The following CELF2 variants were observed in gnomAD, a reference collection of about 807,000 sequenced individuals.
CELF2 encodes CUG triplet repeat RNA-binding protein 2.
Under a neutral mutation model 62.6 loss-of-function variants are expected in CELF2, and 8 were observed. That is an observed-to-expected ratio of 0.13 (90% CI 0.07 to 0.23). The LOEUF is 0.23. Ranked by LOEUF, CELF2 falls within the 10% of genes least tolerant of loss-of-function variation. The pLI, the probability that CELF2 is intolerant of heterozygous loss-of-function variation, is 1.00. For missense variants in CELF2, 333 were observed against 671.0 expected (o/e 0.50, Z 5.56); for synonymous variants, 258 against 250.0 (o/e 1.03, Z -0.30).
chr10:11,038,261 C>T (rs1158688588), intron 1 of CELF2, among the ~76,000 whole-genome samples: 3 of 152,020 alleles, frequency 2.0e-5, no homozygotes, highest in African/African-American at 4.8e-5. Flanking sequence ...CCTTTTTTTC[C>T]ATCTGTAGCC....
chr10:10,945,942 C>T (rs944600921), intron 2 of CELF2: 2 of 152,632 alleles, frequency 1.3e-5, no homozygotes, highest in South Asian at 2.1e-4. Flanking sequence ...AAAACCATAG[C>T]GACCAAAAGA....
chr10:10,514,638 G>C, the CELF2 span, among the ~76,000 whole-genome samples: 3 of 152,278 alleles, frequency 2.0e-5, no homozygotes, highest in African/African-American at 7.2e-5. Context: ...TTCAGACGTG[G>C]CAAGAAGAAC....
the CELF2 span, among the ~76,000 whole-genome samples, chr10:10,625,095 C>T: frequency 6.6e-6 from 1 of 152,154 alleles, no homozygotes; most frequent in Non-Finnish European, 1.5e-5. Flanking sequence ...ACTTCTTTTT[C>T]CCTTAAAGTT....
At chr10:11,225,110 G>A (rs1390931078) in intron 3 of CELF2, among the ~76,000 whole-genome samples, 1 of 151,524 alleles carries the variant, frequency 6.6e-6, no homozygotes, top group Non-Finnish European at 1.5e-5. Flanking sequence ...TGTTGAAGTT[G>A]GTTTGATAAT....
intron 1 of CELF2, among the ~76,000 whole-genome samples, chr10:11,144,092 T>A (rs528649990): frequency 6.6e-6 from 1 of 152,280 alleles, no homozygotes; most frequent in East Asian, 1.9e-4. Context: ...TTGGTTAATA[T>A]GGACATTATC....
At chr10:11,058,556 T>C (rs2065926497) in intron 1 of CELF2, among the ~76,000 whole-genome samples, 1 of 138,592 alleles carries the variant, frequency 7.2e-6, no homozygotes, top group Admixed American at 7.9e-5. Context: ...AACCTCCACC[T>C]CCCAGGTTCA....
At chr10:10,515,556 G>T in the CELF2 span, among the ~76,000 whole-genome samples, 1 of 152,160 alleles carries the variant, frequency 6.6e-6, no homozygotes, top group Admixed American at 6.5e-5. Flanking sequence ...GAACTCAAAA[G>T]AATCCTTTTT....
At chr10:11,053,294 A>G (rs2064327176) in intron 1 of CELF2, among the ~76,000 whole-genome samples, 1 of 152,168 alleles carries the variant, frequency 6.6e-6, no homozygotes, top group South Asian at 2.1e-4. Flanking sequence ...TCAATAGACC[A>G]TATCTTCAGT....
At chr10:10,745,940 T>C in the CELF2 span, among the ~76,000 whole-genome samples, 5 of 152,248 alleles carry the variant, frequency 3.3e-5, no homozygotes, top group South Asian at 2.1e-4. Context: ...TGCCTGTCAT[T>C]TGGTTTTGAT....
chr10:10,963,061 G>C (rs940544971), intron 2 of CELF2, among the ~76,000 whole-genome samples: 5 of 142,594 alleles, frequency 3.5e-5, no homozygotes, highest in African/African-American at 1.0e-4. Flanking sequence ...TTTGTTTTGT[G>C]ATGCAGTCTT....
At chr10:10,681,851 A>T in the CELF2 span, among the ~76,000 whole-genome samples, 5 of 152,342 alleles carry the variant, frequency 3.3e-5, no homozygotes, top group African/African-American at 1.2e-4. Context: ...ACTCATATAA[A>T]ACCCATTTTG....
chr10:10,582,049 C>T, the CELF2 span, among the ~76,000 whole-genome samples: 2 of 152,040 alleles, frequency 1.3e-5, no homozygotes, highest in African/African-American at 4.8e-5. Context: ...TGGGGGGTCA[C>T]ATATCCACAT....
chr10:11,015,157 C>T (rs1250124425), upstream of CELF2, among the ~76,000 whole-genome samples: 7 of 152,038 alleles, frequency 4.6e-5, no homozygotes, highest in Non-Finnish European at 1.0e-4. This position sits in a 1 kb window ranked among gnomAD's most constrained non-coding sequence, Gnocchi z 4.8. Context: ...CCTGATGGCT[C>T]GTTACTGCAT....
the CELF2 span, among the ~76,000 whole-genome samples, chr10:10,701,524 C>T: frequency 5.3e-5 from 8 of 152,340 alleles, no homozygotes; most frequent in South Asian, 4.1e-4. Context: ...AATTAGTATG[C>T]GTCCTTTCAA....
Position 11,157,254 on chromosome 10 carries a change from G to A in CELF2, c.75-8232G>A, listed in dbSNP as rs577513341. Among the ~76,000 whole-genome samples the A allele has an allele frequency of 2.1e-4, 32 of 152,244 alleles. No homozygotes were observed. The highest frequency in any genetic ancestry group is 6.3e-4 in the African/African-American group (26 of 41,548). ...TGTAGAGGAGCTGTGCTCTGGGGCC[G>A]CGTTTCCCACCTTCCCAGCTCCCTT... On this transcript the variant is annotated intron_variant, in intron 1 of 12. Coordinates refer to ENST00000633077, the MANE Select transcript of CELF2 (RefSeq NM_001326342.2). This position sits in a 1 kb window ranked among gnomAD's most constrained non-coding sequence, Gnocchi z 4.9.
At chr10:11,253,883 G>A (rs998898751) in intron 4 of CELF2, among the ~76,000 whole-genome samples, 4 of 152,280 alleles carry the variant, frequency 2.6e-5, no homozygotes, top group South Asian at 4.1e-4. Context: ...GTCCGTCATG[G>A]AAAATGACTT....
In CELF2 at chr10:11,091,890, G is replaced by A. The variant is rs151185410; in HGVS notation, c.75-73596G>A. On this transcript the variant is annotated intron_variant, in intron 1 of 12. Coordinates refer to ENST00000633077, the MANE Select transcript of CELF2 (RefSeq NM_001326342.2). Reference sequence around the variant, plus strand: ...TCGTTCATGAGGAAACCAGTAAGACGGTAACGTTGGCTTAAAGTGCATTTG... The same window carrying A: ...TCGTTCATGAGGAAACCAGTAAGACAGTAACGTTGGCTTAAAGTGCATTTG... Among the ~76,000 whole-genome samples the A allele has an allele frequency of 1.1e-4, 17 of 152,282 alleles. No homozygotes were observed. In the East Asian group the frequency reaches 2.9e-3, roughly 26 times the overall value.
At chr10:10,475,845 T>G in the CELF2 span, among the ~76,000 whole-genome samples, 2 of 152,122 alleles carry the variant, frequency 1.3e-5, no homozygotes, top group Admixed American at 6.6e-5. Context: ...TTTCTTTGAG[T>G]GGGCAGACAT....
the CELF2 span, among the ~76,000 whole-genome samples, chr10:10,698,509 C>T: frequency 6.6e-6 from 1 of 152,208 alleles, no homozygotes; most frequent in African/African-American, 2.4e-5. Flanking sequence ...ATTTCATCTA[C>T]AAAATTACAT....
Sources: allele counts gnomAD v4.1 joint callset (sites outside exome capture counted in the v4.1 genomes callset), GRCh38; gene constraint gnomAD v4.1.1; non-coding constraint Gnocchi (gnomAD v3.1); transcripts MANE v1.5; gene names NCBI Gene and HGNC (gene_info 2026-07-23, HGNC 2026-07-21).